Variants in MBD5 observed in about 807,000 individuals in gnomAD.
MBD5 encodes methyl-CpG-binding domain protein 5.
A neutral mutation model predicts 117.3 loss-of-function variants in MBD5; 13 were observed. The observed-to-expected ratio is 0.11, with a 90% CI of 0.07 to 0.18. The LOEUF (loss-of-function observed/expected upper bound fraction) is 0.18, where lower values mean the gene tolerates loss of function less well. Ranked by LOEUF, MBD5 falls within the 10% of genes least tolerant of loss-of-function variation. MBD5 has a pLI of 1.00. For missense variants in MBD5, 1,879 were observed against 2,093.8 expected (o/e 0.90, Z 2.00); for synonymous variants, 727 against 766.4 (o/e 0.95, Z 0.85).
intron 4 of MBD5, among the ~76,000 whole-genome samples, chr2:148,421,468 G>A (rs1363503912): frequency 6.6e-6 from 1 of 152,016 alleles, no homozygotes; most frequent in African/African-American, 2.4e-5. Context: ...CGCCAACAGG[G>A]TTCTGGGTTT....
intron 4 of MBD5, among the ~76,000 whole-genome samples, chr2:148,375,149 A>G (rs568385927): frequency 2.0e-5 from 3 of 152,356 alleles, no homozygotes; most frequent in African/African-American, 4.8e-5. Flanking sequence ...ATGGTTTCAT[A>G]GCATATCTTA....
intron 3 of MBD5, among the ~76,000 whole-genome samples, chr2:148,313,564 T>G (rs1224930755): frequency 6.6e-6 from 1 of 152,204 alleles, no homozygotes; most frequent in Non-Finnish European, 1.5e-5. Flanking sequence ...CAGTGGATCT[T>G]AACTTACTGG....
intron 3 of MBD5, among the ~76,000 whole-genome samples, chr2:148,288,350 A>T (rs1365759864): frequency 1.0e-5 from 1 of 100,468 alleles, no homozygotes; most frequent in East Asian, 5.6e-4. Context: ...CAGTGAGCTG[A>T]GATCCCGCCA....
At chr2:148,030,919 A>G (rs1225552616) in intron 1 of MBD5, among the ~76,000 whole-genome samples, 2 of 152,180 alleles carry the variant, frequency 1.3e-5, no homozygotes, top group African/African-American at 4.8e-5. Context: ...AAGCCTAGTC[A>G]ATTGAGGAAG....
intron 4 of MBD5, among the ~76,000 whole-genome samples, chr2:148,434,060 T>A (rs1422018095): frequency 6.6e-6 from 1 of 152,062 alleles, no homozygotes; most frequent in African/African-American, 2.4e-5. Flanking sequence ...ACTGATTCAA[T>A]TTCAGAACTC....
At chr2:148,038,829 C>T (rs1281873847) in intron 1 of MBD5, among the ~76,000 whole-genome samples, 6 of 151,654 alleles carry the variant, frequency 4.0e-5, no homozygotes. Context: ...ACCAGGTTAA[C>T]GAAGGGTTTG....
At chr2:148,413,949 G>A (rs981613111) in intron 4 of MBD5, among the ~76,000 whole-genome samples, 5 of 145,178 alleles carry the variant, frequency 3.4e-5, no homozygotes, top group Non-Finnish European at 7.5e-5. Context: ...GTTGATCTTT[G>A]GTATGGTTTT....
At position 148,468,457 on chromosome 2, in the gene MBD5, A is replaced by T; in HGVS notation, c.514A>T (p.Ile172Phe). The change falls in exon 8 of 14, where the codon ATT becomes TTT. Residue 172 changes from isoleucine to phenylalanine, a missense_variant. By Grantham distance (21) the Ile-to-Phe change is conservative (BLOSUM62 0). Around this residue, in one of 4 missense-constraint regions of MBD5, gnomAD observed 1,666 missense variants for 1,792.2 expected, o/e 0.93. Coordinates refer to ENST00000642680, the MANE Select transcript of MBD5 (RefSeq NM_001378120.1). ...ATGTAAGAATCCTTTCAAGTTAATG[A>T]TTGGATCATCAAATGCCATGGGAAG... is the stretch of plus-strand genomic sequence containing the variant. ...PECKNPFKLM[I>F]GSSNAMGRLY... is the part of the protein sequence containing the mutation. The T allele has an allele frequency of 6.2e-7, 1 of 1,613,872 alleles. No homozygotes were observed. Among genetic ancestry groups the T allele is most frequent in the East Asian group, 2.2e-5 (1 of 44,842 alleles).
intron 4 of MBD5, among the ~76,000 whole-genome samples, chr2:148,349,159 G>A (rs977825273): frequency 6.6e-6 from 1 of 151,986 alleles, no homozygotes; most frequent in African/African-American, 2.4e-5. Context: ...TAGTTAAAAA[G>A]CGCTACGCTA....
At chr2:148,448,143 A>G (rs748022206) in intron 4 of MBD5, among the ~76,000 whole-genome samples, 77 of 152,062 alleles carry the variant, frequency 5.1e-4, no homozygotes, top group Non-Finnish European at 4.3e-4. Flanking sequence ...TTAAACAACC[A>G]TGGGTTTTAC....
chr2:148,315,880 A>G (rs1054163709), intron 3 of MBD5, among the ~76,000 whole-genome samples: 1 of 152,196 alleles, frequency 6.6e-6, no homozygotes, highest in Non-Finnish European at 1.5e-5. Flanking sequence ...GTCCGTTCTC[A>G]CATAACTGTA....
intron 3 of MBD5, among the ~76,000 whole-genome samples, chr2:148,325,201 G>T (rs1398264779): frequency 1.3e-5 from 2 of 152,156 alleles, no homozygotes; most frequent in African/African-American, 4.8e-5. Flanking sequence ...GATCATGGTG[G>T]ATAAGCTTTT....
At chr2:148,168,878 A>G (rs1261443682) in intron 1 of MBD5, among the ~76,000 whole-genome samples, 1 of 151,814 alleles carries the variant, frequency 6.6e-6, no homozygotes, top group Non-Finnish European at 1.5e-5. Context: ...AAAGGTGCCA[A>G]TATTTGGATG....
At chr2:148,478,302 G>A (rs1428137149) in intron 8 of MBD5, among the ~76,000 whole-genome samples, 2 of 152,152 alleles carry the variant, frequency 1.3e-5, no homozygotes, top group African/African-American at 4.8e-5. Context: ...AAATTTGTCT[G>A]GAGCAGGCAC....
intron 1 of MBD5, among the ~76,000 whole-genome samples, chr2:148,152,375 G>C (rs1697703620): frequency 6.6e-6 from 1 of 152,076 alleles, no homozygotes; most frequent in Non-Finnish European, 1.5e-5. Flanking sequence ...TGGTCAATTT[G>C]GAATAGGTGT....
chr2:148,388,685 G>A (rs1704455471), intron 4 of MBD5, among the ~76,000 whole-genome samples: 1 of 152,100 alleles, frequency 6.6e-6, no homozygotes, highest in African/African-American at 2.4e-5. Flanking sequence ...CTCGCTCCTT[G>A]GCTTGCAGAC....
At chr2:148,355,661 C>T (rs147708186) in intron 4 of MBD5, among the ~76,000 whole-genome samples, 83 of 152,238 alleles carry the variant, frequency 5.5e-4, no homozygotes, top group Non-Finnish European at 9.1e-4. Flanking sequence ...GTACCAGTAC[C>T]ATGCTGTTTT....
intron 3 of MBD5, among the ~76,000 whole-genome samples, chr2:148,320,839 A>T (rs1702264661): frequency 2.0e-5 from 3 of 152,128 alleles, no homozygotes; most frequent in Admixed American, 2.0e-4. Context: ...CTGTGGTATC[A>T]GTTGTAATGT....
At chr2:148,161,001 T>C (rs192024178) in intron 1 of MBD5, among the ~76,000 whole-genome samples, 70 of 152,300 alleles carry the variant, frequency 4.6e-4, no homozygotes, top group African/African-American at 1.6e-3. Context: ...TTCTTGCACA[T>C]ACTGCCTTCT....
Sources: allele counts gnomAD v4.1 joint callset (sites outside exome capture counted in the v4.1 genomes callset), GRCh38; gene constraint gnomAD v4.1.1; regional missense constraint gnomAD v4.1.1; transcripts MANE v1.5; gene names NCBI Gene and HGNC (gene_info 2026-07-23, HGNC 2026-07-21).